CSMD1: variants seen among roughly 807,000 people sequenced by gnomAD.
CSMD1 encodes the protein CUB and Sushi multiple domains 1.
Under a neutral mutation model 417.5 loss-of-function variants are expected in CSMD1, and 213 were observed. That is an observed-to-expected ratio of 0.51 (90% CI 0.46 to 0.57). The LOEUF (loss-of-function observed/expected upper bound fraction) is 0.57. Among genes scored for constraint, CSMD1 ranks in the 20% least tolerant of loss-of-function variants. The pLI, the probability that CSMD1 is intolerant of heterozygous loss-of-function variation, is 0.00. For synonymous variants in CSMD1, 2,862 were observed against 1,736.8 expected (o/e 1.65, Z -16.11); for missense variants, 6,923 against 4,529.7 (o/e 1.53, Z -15.17).
chr8:3,316,733 C>T (rs1051780905), intron 23 of CSMD1, among the ~76,000 whole-genome samples: 10 of 151,964 alleles, frequency 6.6e-5, no homozygotes, highest in Non-Finnish European at 1.0e-4. Context: ...GGAAAGGTCA[C>T]GGGAAAGACT....
intron 3 of CSMD1, among the ~76,000 whole-genome samples, chr8:4,313,432 G>A (rs1329888693): frequency 6.7e-6 from 1 of 149,036 alleles, no homozygotes; most frequent in African/African-American, 2.5e-5. Flanking sequence ...GGACCCCTGT[G>A]ACATTTAATT....
chr8:4,784,100 G>C (rs959177315), intron 1 of CSMD1, among the ~76,000 whole-genome samples: 4 of 152,186 alleles, frequency 2.6e-5, no homozygotes, highest in African/African-American at 7.2e-5. Context: ...TCTATGTCTT[G>C]ACATTTATTA....
At chr8:3,493,088 G>T (rs1042790826) in intron 11 of CSMD1, among the ~76,000 whole-genome samples, 6 of 152,042 alleles carry the variant, frequency 3.9e-5, no homozygotes, top group Non-Finnish European at 8.8e-5. Flanking sequence ...GAGGTCAGGA[G>T]TTCGAGACCA....
chr8:3,094,463 T>C lies in CSMD1; in HGVS notation c.7138+2386A>G, dbSNP rs565233035. On this transcript the variant is annotated intron_variant, in intron 47 of 69. Coordinates refer to ENST00000635120, the MANE Select transcript of CSMD1 (RefSeq NM_033225.6). Reference sequence around the variant, plus strand: ...CTCATAATGTTCTATCTGTTCTCTTTGTCTAAAATGTAACTAACTTTCTAG... The same window carrying C: ...CTCATAATGTTCTATCTGTTCTCTTCGTCTAAAATGTAACTAACTTTCTAG... Among the ~76,000 whole-genome samples, 25 of 152,294 alleles carry C rather than the reference T, an allele frequency of 1.6e-4. No individual in the cohort carries two copies. The East Asian group carries it at 4.8e-3, about 29-fold the overall frequency.
chr8:3,565,098 A>T (rs1387876425), intron 10 of CSMD1, among the ~76,000 whole-genome samples: 1 of 144,212 alleles, frequency 6.9e-6, no homozygotes, highest in Non-Finnish European at 1.5e-5. Flanking sequence ...ATTGAAAAAA[A>T]ATACTCTTAC....
At chr8:4,732,284 C>T (rs909200309) in intron 1 of CSMD1, among the ~76,000 whole-genome samples, 2 of 151,348 alleles carry the variant, frequency 1.3e-5, no homozygotes, top group Non-Finnish European at 2.9e-5. Context: ...CTGCTAGATT[C>T]TAGAAACCTT....
At position 3,165,308 on chromosome 8, in the gene CSMD1, G is replaced by C. The variant is rs545459522; in HGVS notation, c.5726-3031C>G. 3.3e-5 allele frequency among the ~76,000 whole-genome samples: 5 copies of C among 152,268 alleles called. No homozygotes were observed. The South Asian group carries it at 1.0e-3, about 32-fold the overall frequency. On this transcript the variant is annotated intron_variant, in intron 37 of 69. Transcript: ENST00000635120. ...AGTGCATAAGCGATTGATATGATCA[G>C]AGCCCAAGTATTTTCCATACTTTGC... is the stretch of plus-strand genomic sequence containing the variant.
chr8:3,456,709 A>G (rs558490468), intron 12 of CSMD1, among the ~76,000 whole-genome samples: 40 of 152,250 alleles, frequency 2.6e-4, no homozygotes, highest in African/African-American at 9.4e-4. Flanking sequence ...CTTCCCATAA[A>G]GACGAAATAT....
In CSMD1 at chr8:3,134,277, G is replaced by A. The variant is rs560399709; in HGVS notation, c.6241+8188C>T. Among the ~76,000 whole-genome samples the A allele has an allele frequency of 2.6e-5, 4 of 152,338 alleles. 1 individual carries two copies. The East Asian group carries it at 5.8e-4, about 22-fold the overall frequency. On this transcript the variant is annotated intron_variant, in intron 41 of 69. Transcript: ENST00000635120. The stretch of plus-strand genomic sequence containing the variant: ...ATCAAGGGCAAGGGTTCTGATGTCC[G>A]GAGGCCGTGATGTTAGGCAGTTCCT...
chr8:4,158,007 C>T (rs905238332), intron 3 of CSMD1, among the ~76,000 whole-genome samples: 1 of 152,114 alleles, frequency 6.6e-6, no homozygotes, highest in Admixed American at 6.5e-5. Context: ...TCCTGCTCAA[C>T]TGCCCCCATA....
chr8:4,861,126 C>T (rs2897732), intron 1 of CSMD1, among the ~76,000 whole-genome samples: 63,516 of 151,896 alleles, frequency 0.42, 14,672 homozygotes, highest in East Asian at 0.66. Flanking sequence ...GAATTTAGTA[C>T]GTATTTAGTG....
intron 3 of CSMD1, among the ~76,000 whole-genome samples, chr8:4,397,707 A>G (rs78879014): frequency 0.013 from 2,010 of 152,180 alleles, 43 homozygotes; most frequent in African/African-American, 0.044. Context: ...AAGATTTCAA[A>G]TTAACTAGAT....
intron 1 of CSMD1, chr8:4,787,325 C>A (rs1797456341): frequency 4.1e-6 from 3 of 724,672 alleles, no homozygotes; most frequent in Admixed American, 4.1e-5. Flanking sequence ...TCAGCCCACT[C>A]AGGATAATGG....
chr8:3,550,469 G>A (rs117598745), intron 10 of CSMD1, among the ~76,000 whole-genome samples: 1,978 of 152,228 alleles, frequency 0.013, 18 homozygotes, highest in East Asian at 0.062. Context: ...GACACATGGC[G>A]GCTGTGCATA....
intron 2 of CSMD1, among the ~76,000 whole-genome samples, chr8:4,631,297 G>C (rs1026049500): frequency 1.3e-5 from 2 of 152,128 alleles, no homozygotes; most frequent in African/African-American, 4.8e-5. Flanking sequence ...GGGAGGCAGA[G>C]GTTGCAGTGA....
At chr8:4,532,188 G>C (rs1464737653) in intron 2 of CSMD1, among the ~76,000 whole-genome samples, 2 of 140,804 alleles carry the variant, frequency 1.4e-5, no homozygotes, top group Non-Finnish European at 3.0e-5. Context: ...CCTCCATTCA[G>C]TCACTCCGGA....
intron 3 of CSMD1, among the ~76,000 whole-genome samples, chr8:4,090,054 T>C (rs187999004): frequency 0.012 from 1,787 of 152,352 alleles, 15 homozygotes; most frequent in Non-Finnish European, 0.019. Flanking sequence ...TCATAGGACA[T>C]GTAAATTTTC....
intron 1 of CSMD1, among the ~76,000 whole-genome samples, chr8:4,789,534 T>C (rs902719872): frequency 4.6e-5 from 7 of 152,192 alleles, no homozygotes; most frequent in African/African-American, 7.2e-5. Flanking sequence ...ACTGTGCATC[T>C]ACCTGGGATC....
At chr8:3,175,347 G>C (rs78853565) in intron 37 of CSMD1, among the ~76,000 whole-genome samples, 4,728 of 151,172 alleles carry the variant, frequency 0.031, 265 homozygotes, top group African/African-American at 0.11. Flanking sequence ...AACCTCCTAC[G>C]TTATTCAGAA....
Sources: gnomAD v4.1 joint callset for allele counts (sites outside exome capture counted in the v4.1 genomes callset) on GRCh38, gnomAD v4.1.1 for gene constraint, MANE v1.5 for transcripts, NCBI Gene and HGNC (gene_info 2026-07-23, HGNC 2026-07-21) for gene names.